Variants in FSTL5 observed in about 807,000 individuals in gnomAD.
FSTL5 encodes the protein follistatin like 5, also known as follistatin-related protein 5.
In FSTL5, 62 loss-of-function variants were observed where a neutral mutation model predicts 89.1. That is an observed-to-expected ratio of 0.70 (90% CI 0.57 to 0.86). The LOEUF is 0.86. Among genes scored for constraint, FSTL5 ranks in the 40% least tolerant of loss-of-function variants. FSTL5 has a pLI of 0.00. For missense variants in FSTL5, 1,057 were observed against 1,001.6 expected (o/e 1.06, Z -0.75); for synonymous variants, 383 against 346.2 (o/e 1.11, Z -1.18).
intron 4 of FSTL5, among the ~76,000 whole-genome samples, chr4:161,853,631 T>TTGGATACATGTTTGCTTC (rs1731630828): frequency 6.6e-6 from 1 of 152,152 alleles, no homozygotes; most frequent in African/African-American, 2.4e-5. Flanking sequence ...TGCTTTTTGT[T>TTGGATACATGTTTGCTTC]TGGATACATG....
At chr4:161,531,245 A>G (rs1731403390) in intron 10 of FSTL5, among the ~76,000 whole-genome samples, 2 of 152,338 alleles carry the variant, frequency 1.3e-5, no homozygotes, top group East Asian at 1.9e-4. Context: ...TTAGGGTAGA[A>G]GCAAAACACA....
chr4:162,054,665 C>G (rs1738480898), intron 2 of FSTL5, among the ~76,000 whole-genome samples: 1 of 151,814 alleles, frequency 6.6e-6, no homozygotes, highest in Non-Finnish European at 1.5e-5. Context: ...TTTAAAGAAA[C>G]TTCTAATCAT....
intron 6 of FSTL5, among the ~76,000 whole-genome samples, chr4:161,681,533 G>A (rs967880830): frequency 1.3e-5 from 2 of 152,034 alleles, no homozygotes; most frequent in Admixed American, 6.6e-5. Flanking sequence ...GTCTGCCCAT[G>A]ACAGTCTCCT....
chr4:161,756,628 G>A (rs1740580358), intron 6 of FSTL5, among the ~76,000 whole-genome samples: 1 of 151,812 alleles, frequency 6.6e-6, no homozygotes, highest in Non-Finnish European at 1.5e-5. Flanking sequence ...GTTTTCTTTA[G>A]CAACATCAAA....
intron 2 of FSTL5, among the ~76,000 whole-genome samples, chr4:162,091,698 C>G (rs189335413): frequency 6.6e-6 from 1 of 152,138 alleles, no homozygotes; most frequent in East Asian, 1.9e-4. Context: ...GTTGCCACCC[C>G]TGTCTCATGC....
At chr4:161,606,939 G>A (rs1244434951) in intron 7 of FSTL5, among the ~76,000 whole-genome samples, 2 of 152,206 alleles carry the variant, frequency 1.3e-5, no homozygotes, top group South Asian at 4.1e-4. Context: ...GACATAATTG[G>A]TTAAAAAATA....
At chr4:161,776,221 G>GA (rs1038923131) in intron 4 of FSTL5, 147 bp from the exon 5 acceptor site, 3 of 448,508 alleles carry the variant, frequency 6.7e-6, no homozygotes, top group Non-Finnish European at 7.6e-6. Flanking sequence ...ACTTGTACAA[G>GA]AAAAAAATGG....
intron 8 of FSTL5, among the ~76,000 whole-genome samples, chr4:161,581,456 G>T (rs1163980094): frequency 6.6e-6 from 1 of 152,186 alleles, no homozygotes; most frequent in Non-Finnish European, 1.5e-5. Flanking sequence ...GTCTGGCCAA[G>T]TTTAGCTAGG....
chr4:161,801,028 T>C (rs1402746296), intron 4 of FSTL5, among the ~76,000 whole-genome samples: 1 of 151,534 alleles, frequency 6.6e-6, no homozygotes. Context: ...TGATAGTGAA[T>C]ATGTTTCACT....
At chr4:162,097,296 G>A (rs1418328207) in intron 2 of FSTL5, among the ~76,000 whole-genome samples, 1 of 151,586 alleles carries the variant, frequency 6.6e-6, no homozygotes, top group Non-Finnish European at 1.5e-5. Flanking sequence ...AAATGCTAGC[G>A]AAATAAATAT....
chr4:161,551,681 G>A (rs949535148), intron 8 of FSTL5, among the ~76,000 whole-genome samples: 12 of 151,928 alleles, frequency 7.9e-5, no homozygotes, highest in Admixed American at 2.0e-4. Context: ...AAATAATGCC[G>A]CATATCTACA....
At chr4:162,100,282 C>T (rs758431317) in intron 2 of FSTL5, among the ~76,000 whole-genome samples, 4 of 152,046 alleles carry the variant, frequency 2.6e-5, no homozygotes, top group Non-Finnish European at 5.9e-5. Context: ...TAGAGGAGGC[C>T]GGGTACGGTG....
intron 6 of FSTL5, among the ~76,000 whole-genome samples, chr4:161,729,937 C>G (rs1398639489): frequency 1.3e-5 from 2 of 152,140 alleles, no homozygotes; most frequent in Non-Finnish European, 2.9e-5. Flanking sequence ...CTACTTCCAT[C>G]TATGTGTAAA....
chr4:162,017,148 G>A (rs185018264), intron 3 of FSTL5, among the ~76,000 whole-genome samples: 80 of 152,218 alleles, frequency 5.3e-4, no homozygotes, highest in Non-Finnish European at 9.7e-4. Flanking sequence ...TACCCCTGTG[G>A]TTACTCCGTG....
intron 6 of FSTL5, among the ~76,000 whole-genome samples, chr4:161,754,240 A>T (rs1384571162): frequency 1.3e-5 from 2 of 152,058 alleles, no homozygotes; most frequent in African/African-American, 4.8e-5. Flanking sequence ...TTTTACTGAC[A>T]AAAACTTAAT....
chr4:161,396,485 T>TGCAA (rs1731003519), intron 15 of FSTL5, among the ~76,000 whole-genome samples: 1 of 99,192 alleles, frequency 1.0e-5, no homozygotes, highest in African/African-American at 4.0e-5. Context: ...CTACTAAAAA[T>TGCAA]ACAAAAAAAA....
intron 2 of FSTL5, among the ~76,000 whole-genome samples, chr4:162,083,258 G>C (rs1251377355): frequency 1.3e-5 from 2 of 151,664 alleles, no homozygotes; most frequent in African/African-American, 4.8e-5. Context: ...TTTTGTGATT[G>C]TTTTGTATTT....
chr4:162,009,331 G>A (rs1181415228), intron 3 of FSTL5, among the ~76,000 whole-genome samples: 1 of 151,992 alleles, frequency 6.6e-6, no homozygotes, highest in Non-Finnish European at 1.5e-5. Flanking sequence ...ACTAGAGCTG[G>A]CATTATTAAT....
Position 161,915,305 on chromosome 4 carries a change from C to A in FSTL5, c.409+5099G>T, listed in dbSNP as rs140092257. Among the ~76,000 whole-genome samples, 1,161 of 151,688 alleles carry A rather than the reference C, an allele frequency of 7.7e-3. 17 individuals carry two copies. Among genetic ancestry groups the A allele is most frequent in the African/African-American group, 0.025 (1,040 of 41,318 alleles). On this transcript the variant is annotated intron_variant, in intron 4 of 15. Transcript: ENST00000306100. ...TCTTCCCCCCATCATCCCCCTCCCC[C>A]TCTCCCTACCTGTCTCTCTTCTCTT...
Sources: gnomAD v4.1 joint callset for allele counts (sites outside exome capture counted in the v4.1 genomes callset) on GRCh38, gnomAD v4.1.1 for gene constraint, MANE v1.5 for transcripts, NCBI Gene and HGNC (gene_info 2026-07-23, HGNC 2026-07-21) for gene names.